Variants in SSH2 observed in about 807,000 individuals in gnomAD.
SSH2 encodes the protein slingshot protein phosphatase 2, also known as protein phosphatase Slingshot homolog 2.
SSH2 carries 37 observed loss-of-function variants against 135.2 expected under a neutral mutation model. The ratio of observed to expected loss-of-function variants is 0.27; its 90% CI spans 0.21 to 0.36. The LOEUF is 0.36. SSH2 is among the 10% of genes least tolerant of loss of function. The probability of loss-of-function intolerance (pLI) is 1.00; values close to 1 mark genes in which losing one functional copy is unlikely to be tolerated. For missense variants in SSH2, 1,408 were observed against 1,765.3 expected, an observed-to-expected ratio of 0.80 and a Z score of 3.63; for synonymous variants, 628 against 646.2, an observed-to-expected ratio of 0.97 and a Z score of 0.43.
intron 2 of SSH2, among the ~76,000 whole-genome samples, chr17:29,836,298 TATC>T (rs2042943188): frequency 6.6e-6 from 1 of 152,202 alleles, no homozygotes. Context: ...TGATAAATCT[TATC>T]ATCGTTTTTC....
intron 3 of SSH2, among the ~76,000 whole-genome samples, chr17:29,727,915 T>A (rs531401007): frequency 6.6e-6 from 1 of 152,284 alleles, no homozygotes; most frequent in Non-Finnish European, 1.5e-5. Context: ...GCGCGATCGC[T>A]CACACCTGTA....
At chr17:29,646,447 T>G (rs1462942694) in intron 14 of SSH2, among the ~76,000 whole-genome samples, 1 of 152,264 alleles carries the variant, frequency 6.6e-6, no homozygotes, top group Non-Finnish European at 1.5e-5. Flanking sequence ...TTGAGCTCAT[T>G]AACTATTTTT....
chr17:29,903,993 TTAAGGCAG>T (rs1228936796), intron 1 of SSH2, among the ~76,000 whole-genome samples: 11 of 152,042 alleles, frequency 7.2e-5, no homozygotes, highest in Non-Finnish European at 1.5e-4. Context: ...AGTTCTGAAA[TTAAGGCAG>T]TAATAAATAG....
intron 14 of SSH2, among the ~76,000 whole-genome samples, chr17:29,646,607 A>G (rs1422022711): frequency 2.0e-5 from 3 of 151,962 alleles, no homozygotes; most frequent in Admixed American, 1.3e-4. Flanking sequence ...TCAAGCGATT[A>G]TCCTGCCTTA....
At chr17:29,907,344 G>T (rs534886641) in intron 1 of SSH2, among the ~76,000 whole-genome samples, 1 of 152,010 alleles carries the variant, frequency 6.6e-6, no homozygotes, top group East Asian at 1.9e-4. Context: ...ACACACTGGG[G>T]CCTGTTGGGG....
chr17:29,855,902 G>T, intron 1 of SSH2: 1 of 240,160 alleles, frequency 4.2e-6, no homozygotes. Context: ...CATTCTCCTT[G>T]GAAAAGAAGA....
rs190808967 is a variant in SSH2 at position 29,811,329 on chromosome 17, T to C, written c.145-17392A>G. 2.6e-5 allele frequency among the ~76,000 whole-genome samples: 4 copies of C among 152,192 alleles called. No individual in the cohort carries two copies. In the East Asian group the frequency reaches 7.7e-4, roughly 29 times the overall value. ...TTTAATATTACATTTGATTATATTA[T>C]ATATTACGTAATATATAATGGTTAT... On this transcript the variant is annotated intron_variant, in intron 2 of 15. Transcript: ENST00000540801.
rs115172184 is a variant in SSH2 at position 29,894,496 on chromosome 17, G to A, written c.63+35442C>T. ...TCCTGTACACTTTAAATCATCTCTA[G>A]ATTACTTACGATACCTACTTCGATG... On this transcript the variant is annotated intron_variant, in intron 1 of 15. Transcript: ENST00000540801. Among the ~76,000 whole-genome samples the A allele has an allele frequency of 6.6e-3, 999 of 152,106 alleles. 12 individuals carry two copies. Among genetic ancestry groups the A allele is most frequent in the African/African-American group, 0.022 (930 of 41,492 alleles).
intron 14 of SSH2, chr17:29,645,772 T>TG (rs1488381608): frequency 6.6e-6 from 1 of 152,222 alleles, no homozygotes; most frequent in Non-Finnish European, 1.5e-5. Context: ...ACAGGACGCT[T>TG]CAGTATCCTC....
At chr17:29,703,237 C>A (rs1263508849) in intron 3 of SSH2, among the ~76,000 whole-genome samples, 175 bp from the exon 4 acceptor site, 3 of 152,062 alleles carry the variant, frequency 2.0e-5, no homozygotes, top group Non-Finnish European at 2.9e-5. Flanking sequence ...CCTGTCTACT[C>A]TAGACAAGTT....
intron 2 of SSH2, among the ~76,000 whole-genome samples, chr17:29,822,787 G>A (rs16965246): frequency 0.062 from 9,468 of 152,172 alleles, 550 homozygotes; most frequent in African/African-American, 0.16. Context: ...CAAATATCAC[G>A]ATGGGAGCTA....
intron 3 of SSH2, among the ~76,000 whole-genome samples, chr17:29,769,003 C>T (rs2151269625): frequency 6.6e-6 from 1 of 152,074 alleles, no homozygotes; most frequent in East Asian, 1.9e-4. Flanking sequence ...TCCCTTGACT[C>T]CAGGAATTCG....
intron 2 of SSH2, among the ~76,000 whole-genome samples, chr17:29,848,038 C>T (rs73263679): frequency 6.6e-5 from 10 of 152,270 alleles, no homozygotes; most frequent in African/African-American, 2.2e-4. Context: ...TAAAAGATTG[C>T]TGTCTAACAC....
intron 3 of SSH2, among the ~76,000 whole-genome samples, chr17:29,709,063 G>A (rs2039344073): frequency 7.9e-6 from 1 of 126,868 alleles, no homozygotes; most frequent in African/African-American, 2.9e-5. Context: ...GCTAATAATA[G>A]CTAACTCAAC....
chr17:29,893,798 GTTTCT>G (rs932573202), intron 1 of SSH2, among the ~76,000 whole-genome samples: 7 of 152,074 alleles, frequency 4.6e-5, no homozygotes, highest in Admixed American at 1.3e-4. Context: ...TACAAGATGA[GTTTCT>G]CCAATGTTTT....
intron 1 of SSH2, among the ~76,000 whole-genome samples, chr17:29,901,022 C>T (rs949608248): frequency 7.2e-5 from 11 of 151,910 alleles, no homozygotes; most frequent in East Asian, 5.8e-4. Context: ...AGCAAACTAT[C>T]GCAAGAACAA....
intron 1 of SSH2, among the ~76,000 whole-genome samples, chr17:29,926,941 A>T: frequency 6.6e-6 from 1 of 152,230 alleles, no homozygotes; most frequent in Admixed American, 6.5e-5. Context: ...AAGATGGCAG[A>T]TTCTAAAGTT....
chr17:29,636,557 T>C lies in SSH2; in HGVS notation c.1673A>G (p.Glu558Gly), dbSNP rs754446180. Residue 558 changes from glutamate (E) to glycine (G), a missense_variant, in exon 15 of 16, where the codon GAG becomes GGG. Glu to Gly is a moderately conservative substitution (Grantham distance 98, BLOSUM62 -2). Around this residue, in one of 3 missense-constraint regions of SSH2, gnomAD observed 1,080 missense variants for 1,144.5 expected, o/e 0.94. Transcript: ENST00000540801. Reference sequence around the variant, plus strand: ...AGCATGAAATTCCCTAGAAGTAAACTCCAAGCAGATCATTCTTTCTTTGGT... The same window carrying C: ...AGCATGAAATTCCCTAGAAGTAAACCCCAAGCAGATCATTCTTTCTTTGGT... ...LCTKERMICL[E>G]FTSREFHAGQ... The C allele has an allele frequency of 6.2e-7, 1 of 1,614,194 alleles. No homozygotes were observed. Among genetic ancestry groups the C allele is most frequent in the Non-Finnish European group, 8.5e-7 (1 of 1,180,022 alleles).
chr17:29,715,068 T>C (rs760028859), intron 3 of SSH2, among the ~76,000 whole-genome samples: 13 of 152,170 alleles, frequency 8.5e-5, no homozygotes, highest in Non-Finnish European at 1.6e-4. Flanking sequence ...GGTTTCACCA[T>C]GTTGCCCAGA....
Sources: gnomAD v4.1 joint callset for allele counts (sites outside exome capture counted in the v4.1 genomes callset) on GRCh38, gnomAD v4.1.1 for gene constraint, gnomAD v4.1.1 regional missense constraint, MANE v1.5 for transcripts, NCBI Gene and HGNC (gene_info 2026-07-23, HGNC 2026-07-21) for gene names.